The following ACO2 variants were observed in gnomAD, a reference collection of about 807,000 sequenced individuals.
ACO2 encodes aconitate hydratase, mitochondrial.
A neutral mutation model predicts 84.5 loss-of-function variants in ACO2; 31 were observed. The ratio of observed to expected loss-of-function variants is 0.37; its 90% CI spans 0.28 to 0.50. The LOEUF is 0.50. Ranked by LOEUF, ACO2 falls within the 20% of genes least tolerant of loss-of-function variation. ACO2 has a pLI of 0.97. For missense variants in ACO2, 685 were observed against 1,029.3 expected (o/e 0.67, Z 4.58); for synonymous variants, 414 against 412.7 (o/e 1.00, Z -0.04).
At chr22:41,511,235 C>T (rs1042593071) in intron 3 of ACO2, among the ~76,000 whole-genome samples, 5 of 152,222 alleles carry the variant, frequency 3.3e-5, no homozygotes, top group African/African-American at 1.2e-4. Flanking sequence ...TGCAGTGGCA[C>T]GATCTCGGCT....
At chr22:41,512,258 A>C in intron 4 of ACO2, 1 of 345,776 alleles carries the variant, frequency 2.9e-6, no homozygotes, top group East Asian at 6.6e-5. Context: ...GTACTCAAGC[A>C]TCTCTATTCC....
chr22:41,473,378 C>T (rs1029866573), intron 1 of ACO2, among the ~76,000 whole-genome samples: 3 of 152,146 alleles, frequency 2.0e-5, no homozygotes, highest in Non-Finnish European at 4.4e-5. Context: ...GTGGCACATG[C>T]CTGTAATCCC....
At chr22:41,503,606 G>T (rs2066369991) in intron 2 of ACO2, among the ~76,000 whole-genome samples, 1 of 152,186 alleles carries the variant, frequency 6.6e-6, no homozygotes, top group African/African-American at 2.4e-5. Flanking sequence ...TGAGGTGACA[G>T]GTGTGAGCCA....
In ACO2 at chr22:41,488,210, G is replaced by A. The variant is rs555443275; in HGVS notation, c.37-11516G>A. The stretch of plus-strand genomic sequence containing the variant: ...GGGGCCCCATGGTGGTGTTCCCAGT[G>A]TCCAATGTGGTACAACTAGGCATCC... On this transcript the variant is annotated intron_variant, in intron 1 of 17. Transcript: ENST00000216254. Among the ~76,000 whole-genome samples, 69 of 152,266 alleles carry A rather than the reference G, an allele frequency of 4.5e-4. 2 individuals are homozygous for A. In the South Asian group the frequency reaches 0.012, roughly 27 times the overall value.
chr22:41,479,377 A>C (rs73887727), intron 1 of ACO2, among the ~76,000 whole-genome samples: 6,581 of 152,266 alleles, frequency 0.043, 446 homozygotes, highest in African/African-American at 0.14. Context: ...TGTCCTTCAC[A>C]ACAACCCTAA....
In ACO2 at chr22:41,502,519, G is replaced by A. The variant is rs566283827; in HGVS notation, c.173+2657G>A. Among the ~76,000 whole-genome samples, 149 of 152,346 alleles carry A rather than the reference G, an allele frequency of 9.8e-4. No individual in the cohort carries two copies. The Middle Eastern group carries it at 0.01, about 10-fold the overall frequency. ...TCACACCGCTGCTCAGTGGAAAAGT[G>A]ATAGATTTTTCTTTACTCTGTAAAA... On this transcript the variant is annotated intron_variant, in intron 2 of 17. Transcript: ENST00000216254.
At chr22:41,520,307 G>C in intron 9 of ACO2, 31 bp downstream of exon 9, 1 of 1,576,988 alleles carries the variant, frequency 6.3e-7, no homozygotes, top group Non-Finnish European at 8.7e-7. Context: ...CTGTTTAGCA[G>C]GTCTCAGGGC....
intron 3 of ACO2, among the ~76,000 whole-genome samples, chr22:41,510,599 G>A (rs78717110): frequency 2.6e-3 from 396 of 152,268 alleles, no homozygotes; most frequent in African/African-American, 9.1e-3. Context: ...CTCCCATGCC[G>A]GAGGCTGGCA....
At chr22:41,475,061 C>T (rs2146077564) in intron 1 of ACO2, among the ~76,000 whole-genome samples, 1 of 151,014 alleles carries the variant, frequency 6.6e-6, no homozygotes, top group East Asian at 1.9e-4. Context: ...CATATTGTCT[C>T]ATGTGGACTC....
At position 41,469,264 on chromosome 22, in the gene ACO2, G is replaced by A. The variant is rs1419766080; in HGVS notation, c.36+82G>A. 5.9e-6 allele frequency: 9 copies of A among 1,525,678 alleles called. No individual in the cohort carries two copies. The Admixed American group carries it at 8.0e-5, about 14-fold the overall frequency. 94.5% of individuals were successfully genotyped at this position (1,525,678 alleles called of 1,614,324 possible). Reference sequence around the variant, plus strand: ...GGCGGCTGTGGGCGAGGCAGGGCGAGGCGGGCCCAACCTGGGGCCAACTTC... The same window carrying A: ...GGCGGCTGTGGGCGAGGCAGGGCGAAGCGGGCCCAACCTGGGGCCAACTTC... On this transcript the variant is annotated intron_variant, in intron 1 of 17. Coordinates refer to ENST00000216254, the MANE Select transcript of ACO2 (RefSeq NM_001098.3).
At chr22:41,505,575 GTACC>G (rs757765281) in intron 2 of ACO2, among the ~76,000 whole-genome samples, 70 of 152,142 alleles carry the variant, frequency 4.6e-4, no homozygotes, top group Non-Finnish European at 7.5e-4. Context: ...TGGTCCAGCT[GTACC>G]CCTCACTGGC....
chr22:41,471,977 T>C (rs181572576), intron 1 of ACO2, among the ~76,000 whole-genome samples: 7 of 152,322 alleles, frequency 4.6e-5, no homozygotes, highest in Admixed American at 4.6e-4. Context: ...GATACAATAA[T>C]AATAGTATGT....
At chr22:41,524,239 C>T (rs2066555561) in intron 12 of ACO2, among the ~76,000 whole-genome samples, 2 of 152,224 alleles carry the variant, frequency 1.3e-5, no homozygotes, top group South Asian at 2.1e-4. Context: ...GGCCAAGTCA[C>T]TTACCTTCTC....
chr22:41,483,654 C>CT (rs1817430251), intron 1 of ACO2, among the ~76,000 whole-genome samples: 1 of 147,104 alleles, frequency 6.8e-6, no homozygotes, highest in South Asian at 2.1e-4. Context: ...GAGACTCCGT[C>CT]TTAAAAAAAA....
chr22:41,506,075 TTG>T (rs2066390769), intron 2 of ACO2, among the ~76,000 whole-genome samples: 1 of 151,742 alleles, frequency 6.6e-6, no homozygotes, highest in African/African-American at 2.4e-5. Context: ...TTGGGCTTTT[TTG>T]TTTTTTTTTT....
chr22:41,516,677 C>T (rs896055721), intron 6 of ACO2, among the ~76,000 whole-genome samples: 1 of 152,198 alleles, frequency 6.6e-6, no homozygotes, highest in Admixed American at 6.5e-5. Context: ...CCCACCAGTT[C>T]TGTGACGCTT....
intron 8 of ACO2, among the ~76,000 whole-genome samples, chr22:41,518,996 G>A (rs763818411): frequency 9.9e-5 from 15 of 152,156 alleles, no homozygotes; most frequent in Non-Finnish European, 1.8e-4. Flanking sequence ...TGGGTCCCCA[G>A]TGTTCCTGCA....
intron 1 of ACO2, among the ~76,000 whole-genome samples, chr22:41,474,274 C>T (rs114938965): frequency 1.2e-3 from 182 of 146,818 alleles, no homozygotes; most frequent in African/African-American, 4.5e-3. Flanking sequence ...ATTCAGTGGT[C>T]GTGTGTTTGC....
chr22:41,479,123 A>G (rs1252887963), intron 1 of ACO2, among the ~76,000 whole-genome samples: 2 of 152,174 alleles, frequency 1.3e-5, no homozygotes, highest in Non-Finnish European at 2.9e-5. Flanking sequence ...CTAAATAGCT[A>G]TAATACACGG....
Sources: gnomAD v4.1 joint callset for allele counts (sites outside exome capture counted in the v4.1 genomes callset) on GRCh38, gnomAD v4.1.1 for gene constraint, MANE v1.5 for transcripts, NCBI Gene and HGNC (gene_info 2026-07-23, HGNC 2026-07-21) for gene names.